MBD5: variants seen among roughly 807,000 people sequenced by gnomAD.
MBD5 encodes methyl-CpG-binding domain protein 5.
Under a neutral mutation model 117.3 loss-of-function variants are expected in MBD5, and 13 were observed. The ratio of observed to expected loss-of-function variants is 0.11; its 90% CI spans 0.07 to 0.18. MBD5 has a LOEUF of 0.18. Ranked by LOEUF, MBD5 falls within the 10% of genes least tolerant of loss-of-function variation. The probability of loss-of-function intolerance (pLI) is 1.00; values close to 1 mark genes in which losing one functional copy is unlikely to be tolerated. For synonymous variants in MBD5, 727 were observed against 766.4 expected, an observed-to-expected ratio of 0.95 and a Z score of 0.85; for missense variants, 1,879 against 2,093.8, an observed-to-expected ratio of 0.90 and a Z score of 2.00.
chr2:148,293,793 T>A (rs189774155), intron 3 of MBD5, among the ~76,000 whole-genome samples: 1 of 152,330 alleles, frequency 6.6e-6, no homozygotes, highest in East Asian at 1.9e-4. Context: ...GGAAGTGCCC[T>A]TCTACTTCTT....
chr2:148,412,265 A>G (rs538371615), intron 4 of MBD5, among the ~76,000 whole-genome samples: 89 of 113,578 alleles, frequency 7.8e-4, no homozygotes, highest in African/African-American at 3.4e-3. Context: ...GCCTTGTAGT[A>G]TACTTTTTGT....
chr2:148,077,450 A>C (rs1034221618), intron 1 of MBD5, among the ~76,000 whole-genome samples: 1 of 152,188 alleles, frequency 6.6e-6, no homozygotes, highest in Non-Finnish European at 1.5e-5. Flanking sequence ...AACCAAGAGG[A>C]TACCTGCTTC....
chr2:148,294,887 G>C (rs1433648510), intron 3 of MBD5, among the ~76,000 whole-genome samples: 1 of 152,066 alleles, frequency 6.6e-6, no homozygotes, highest in Non-Finnish European at 1.5e-5. Context: ...TCTGCCTTCT[G>C]GTCTCCATTG....
intron 3 of MBD5, among the ~76,000 whole-genome samples, chr2:148,322,334 C>A (rs999710371): frequency 4.6e-5 from 7 of 152,212 alleles, no homozygotes; most frequent in African/African-American, 1.4e-4. Flanking sequence ...TACTATTCAA[C>A]AGCTTGTAAG....
At chr2:148,494,820 G>A (rs1229418582) in intron 11 of MBD5, among the ~76,000 whole-genome samples, 5 of 152,104 alleles carry the variant, frequency 3.3e-5, no homozygotes, top group East Asian at 1.9e-4. Context: ...AGAATTAGCC[G>A]GGGGTGGTGG....
intron 2 of MBD5, among the ~76,000 whole-genome samples, chr2:148,225,892 C>A (rs778266874): frequency 1.2e-4 from 19 of 152,034 alleles, no homozygotes; most frequent in Non-Finnish European, 2.2e-4. Flanking sequence ...TTATCCTTGA[C>A]CTTTGGGAGT....
chr2:148,022,873 A>G (rs1402680622), intron 1 of MBD5, among the ~76,000 whole-genome samples: 4 of 152,216 alleles, frequency 2.6e-5, no homozygotes, highest in Non-Finnish European at 5.9e-5. Flanking sequence ...TCATTTTTGT[A>G]TAATGTGTTC....
intron 3 of MBD5, among the ~76,000 whole-genome samples, chr2:148,333,862 A>G (rs13027937): frequency 6.6e-6 from 1 of 151,438 alleles, no homozygotes; most frequent in Non-Finnish European, 1.5e-5. Flanking sequence ...CATCTCAAAA[A>G]CAAAAAAATT....
chr2:148,483,592 G>A lies in MBD5; in HGVS notation c.3001G>A (p.Ala1001Thr), dbSNP rs757694588. 3.9e-6 allele frequency: 6 copies of A among 1,556,602 alleles called. No homozygotes were observed. The South Asian group carries it at 5.9e-5, about 15-fold the overall frequency. ...ALLQNQAQAA[A>T]MLPLPSFNLT... is the part of the protein sequence containing the mutation. ...GCTTCAGAACCAAGCCCAAGCAGCT[G>A]CCATGCTTCCCCTGCCATCTTTCAA... The change falls in exon 9 of 14, where the codon GCC becomes ACC. Residue 1001 changes from alanine to threonine, a missense_variant. Transcript: ENST00000642680.
intron 4 of MBD5, among the ~76,000 whole-genome samples, chr2:148,455,843 A>G (rs1706862817): frequency 6.6e-6 from 1 of 152,044 alleles, no homozygotes; most frequent in Non-Finnish European, 1.5e-5. Flanking sequence ...CACTGAAGAG[A>G]TTTCTTTGGA....
intron 4 of MBD5, among the ~76,000 whole-genome samples, chr2:148,457,185 C>T (rs1275653161): frequency 2.0e-5 from 3 of 152,094 alleles, no homozygotes; most frequent in African/African-American, 7.2e-5. Context: ...ATCATCTTCA[C>T]TTCCATTTAA....
intron 8 of MBD5, among the ~76,000 whole-genome samples, chr2:148,482,788 G>T (rs1233969931): frequency 6.6e-6 from 1 of 151,956 alleles, no homozygotes; most frequent in Non-Finnish European, 1.5e-5. Flanking sequence ...CCTTTCACTT[G>T]TCTGCCTGTG....
chr2:148,067,548 C>G (rs1430425611), intron 1 of MBD5, among the ~76,000 whole-genome samples: 2 of 152,154 alleles, frequency 1.3e-5, no homozygotes, highest in East Asian at 1.9e-4. Context: ...GGACCTCACT[C>G]TACTTGCTTA....
chr2:148,209,930 C>G (rs1390062161), intron 2 of MBD5, among the ~76,000 whole-genome samples: 1 of 152,084 alleles, frequency 6.6e-6, no homozygotes, highest in East Asian at 1.9e-4. Context: ...CCACCAGGCC[C>G]CACCTTCAAC....
chr2:148,072,578 T>C (rs1695392720), intron 1 of MBD5, among the ~76,000 whole-genome samples: 1 of 152,128 alleles, frequency 6.6e-6, no homozygotes, highest in African/African-American at 2.4e-5. Flanking sequence ...CAGCGGTAAA[T>C]TGAATGATTT....
chr2:148,434,844 T>A (rs1425806728), intron 4 of MBD5, among the ~76,000 whole-genome samples: 2 of 151,260 alleles, frequency 1.3e-5, no homozygotes, highest in East Asian at 3.9e-4. Flanking sequence ...TCTAATACTG[T>A]CAGTGAGTTG....
At chr2:148,346,618 C>A (rs950291145) in intron 4 of MBD5, 1 of 151,638 alleles carries the variant, frequency 6.6e-6, no homozygotes, top group Non-Finnish European at 1.5e-5. Flanking sequence ...ATTTTAAGTT[C>A]TTTTATGAAT....
rs114103006 is a variant in MBD5, at chr2:148,434,242, A to T, written c.-556-23961A>T. 8.5e-3 allele frequency among the ~76,000 whole-genome samples: 1,294 copies of T among 151,714 alleles called. 23 individuals carry two copies. Among genetic ancestry groups the T allele is most frequent in the African/African-American group, 0.03 (1,246 of 41,362 alleles). ...AGTAACATACCCTTTGTCATTTCTAATTGTGTTCATTTGGATCTTCTTTTT... is the reference window on the plus strand; with the variant it reads ...AGTAACATACCCTTTGTCATTTCTATTTGTGTTCATTTGGATCTTCTTTTT... On this transcript the variant is annotated intron_variant, in intron 4 of 13. Coordinates refer to ENST00000642680, the MANE Select transcript of MBD5 (RefSeq NM_001378120.1).
intron 12 of MBD5, among the ~76,000 whole-genome samples, chr2:148,508,252 G>A (rs1189518608): frequency 6.6e-6 from 1 of 151,916 alleles, no homozygotes; most frequent in African/African-American, 2.4e-5. Context: ...AACTGGAATG[G>A]GTAGGTAAAA....
Sources: allele counts gnomAD v4.1 joint callset (sites outside exome capture counted in the v4.1 genomes callset), GRCh38; gene constraint gnomAD v4.1.1; transcripts MANE v1.5; gene names NCBI Gene and HGNC (gene_info 2026-07-23, HGNC 2026-07-21).